The following FHIT variants were observed in gnomAD, a reference collection of about 807,000 sequenced individuals.
FHIT encodes bis(5'-adenosyl)-triphosphatase.
In FHIT, 19 loss-of-function variants were observed where a neutral mutation model predicts 17.9. The observed-to-expected ratio is 1.06, with a 90% CI of 0.74 to 1.56. The LOEUF is 1.56. Ranked by LOEUF, FHIT falls within the 40% of genes most tolerant of loss-of-function variation. The pLI, the probability that FHIT is intolerant of heterozygous loss-of-function variation, is 0.00. For synonymous variants in FHIT, 81 were observed against 69.7 expected, an observed-to-expected ratio of 1.16 and a Z score of -0.81; for missense variants, 248 against 189.2, an observed-to-expected ratio of 1.31 and a Z score of -1.82.
intron 5 of FHIT, among the ~76,000 whole-genome samples, chr3:60,328,588 A>G (rs1709815548): frequency 6.6e-6 from 1 of 152,174 alleles, no homozygotes; most frequent in African/African-American, 2.4e-5. Flanking sequence ...CCCTCTCACT[A>G]CACCTGGGGA....
At chr3:60,553,460 T>A (rs1049566118) in intron 4 of FHIT, 43 of 336,082 alleles carry the variant, frequency 1.3e-4, no homozygotes, top group East Asian at 1.7e-4. Context: ...ATATATATAT[T>A]TTATATTTAT....
chr3:60,855,194 G>A (rs1320546261), intron 3 of FHIT, among the ~76,000 whole-genome samples: 1 of 152,094 alleles, frequency 6.6e-6, no homozygotes, highest in African/African-American at 2.4e-5. Flanking sequence ...CATGTGCTTA[G>A]CCTTAGATAA....
At chr3:60,917,546 T>C (rs1707072501) in intron 3 of FHIT, among the ~76,000 whole-genome samples, 2 of 152,114 alleles carry the variant, frequency 1.3e-5, no homozygotes, top group Admixed American at 1.3e-4. Context: ...ACCACTTCTT[T>C]CTCCTCCCTA....
chr3:59,953,206 G>C (rs1217168993), intron 7 of FHIT, among the ~76,000 whole-genome samples: 1 of 151,286 alleles, frequency 6.6e-6, no homozygotes, highest in East Asian at 1.9e-4. Context: ...CTCTGCATCT[G>C]TCCCTGTCTC....
At chr3:60,839,956 T>A (rs1001312889) in intron 3 of FHIT, among the ~76,000 whole-genome samples, 88 of 152,204 alleles carry the variant, frequency 5.8e-4, no homozygotes, top group Non-Finnish European at 6.9e-4. Context: ...ATTTTTTTTT[T>A]AAAACTGCAT....
In FHIT at chr3:60,614,831, G is replaced by C. The variant is rs7433194; in HGVS notation, c.-17-77852C>G. Among the ~76,000 whole-genome samples the C allele has an allele frequency of 5.6e-5, 3 of 53,480 alleles. 1 individual carries two copies. Among genetic ancestry groups the C allele is most frequent in the East Asian group, 3.7e-4 (1 of 2,714 alleles). The allele number at this position is 53,480 out of a possible 152,430, so 35.1% of individuals were successfully genotyped here. ...GTTGTTTTTTTTTTGTTTTTTTTTT[G>C]TTTTTTTTTTGTTTTTTGAGATGGA... On this transcript the variant is annotated intron_variant, in intron 4 of 9. Transcript: ENST00000492590.
In FHIT at chr3:60,040,267, T is replaced by G. The variant is rs148202390; in HGVS notation, c.104-26115A>C. ...CTCAAGCAATTCTCCTGCTTCAGCCTCCCGAGTAGCTGGGATTACAGGCAT... is the reference window on the plus strand; with the variant it reads ...CTCAAGCAATTCTCCTGCTTCAGCCGCCCGAGTAGCTGGGATTACAGGCAT... On this transcript the variant is annotated intron_variant, in intron 5 of 9. Coordinates refer to ENST00000492590, the MANE Select transcript of FHIT (RefSeq NM_002012.4). Among the ~76,000 whole-genome samples, 1,236 of 152,134 alleles carry G rather than the reference T, an allele frequency of 8.1e-3. 15 individuals carry two copies. The highest frequency in any genetic ancestry group is 0.028 in the African/African-American group (1,177 of 41,506).
rs559061358 is a variant in FHIT at position 60,913,785 on chromosome 3, T to G, written c.-110-91774A>C. On this transcript the variant is annotated intron_variant, in intron 3 of 9. Transcript: ENST00000492590. ...CCCTTGGCTGACCTGGCTGGGACAGTTGGGGGCTGGCTGGGCCTCTCTCCA... is the reference window on the plus strand; with the variant it reads ...CCCTTGGCTGACCTGGCTGGGACAGGTGGGGGCTGGCTGGGCCTCTCTCCA... Among the ~76,000 whole-genome samples, 12 of 152,216 alleles carry G rather than the reference T, an allele frequency of 7.9e-5. 1 individual carries two copies. In the South Asian group the frequency reaches 2.3e-3, roughly 29 times the overall value.
chr3:59,872,043 C>G (rs1702949849), intron 8 of FHIT, among the ~76,000 whole-genome samples: 1 of 152,160 alleles, frequency 6.6e-6, no homozygotes, highest in Non-Finnish European at 1.5e-5. Flanking sequence ...CCAGATTATA[C>G]TAATCAATTA....
At chr3:60,896,374 T>C (rs1424465217) in intron 3 of FHIT, among the ~76,000 whole-genome samples, 5 of 152,092 alleles carry the variant, frequency 3.3e-5, no homozygotes, top group African/African-American at 1.2e-4. Context: ...GAATTATAAA[T>C]ATATATTGAG....
At chr3:60,482,218 A>G (rs1236230652) in intron 5 of FHIT, among the ~76,000 whole-genome samples, 1 of 152,186 alleles carries the variant, frequency 6.6e-6, no homozygotes, top group Non-Finnish European at 1.5e-5. Flanking sequence ...CTCCCACACA[A>G]TAATAGTGGG....
chr3:60,830,645 A>C (rs1702297415), intron 3 of FHIT, among the ~76,000 whole-genome samples: 2 of 152,206 alleles, frequency 1.3e-5, no homozygotes, highest in Admixed American at 6.5e-5. Context: ...ATTTTGGAAA[A>C]ACTATTAGTC....
At chr3:60,874,789 T>TCTAAGCTCAAC (rs1553755961) in intron 3 of FHIT, among the ~76,000 whole-genome samples, 58 of 152,242 alleles carry the variant, frequency 3.8e-4, no homozygotes, top group African/African-American at 1.3e-3. Flanking sequence ...GCTAGGTCAA[T>TCTAAGCTCAAC]GCTCTAAGCT....
rs1710316048 is a variant in FHIT, at chr3:60,337,823, G to A, written c.103+199037C>T. 2.6e-5 allele frequency among the ~76,000 whole-genome samples: 4 copies of A among 152,220 alleles called. No individual in the cohort carries two copies. In the South Asian group the frequency reaches 8.3e-4, roughly 32 times the overall value. ...GGCAGAGAAAGACTCTTGGGGGACT[G>A]GAATGTCTGAAAATCCCATAAAGAA... On this transcript the variant is annotated intron_variant, in intron 5 of 9. Transcript: ENST00000492590.
chr3:60,285,358 TTA>T (rs560987589), intron 5 of FHIT, among the ~76,000 whole-genome samples: 190 of 152,294 alleles, frequency 1.2e-3, no homozygotes, highest in Middle Eastern at 3.4e-3. Flanking sequence ...GCCCCATGAA[TTA>T]TCTCTCCAGT....
At chr3:60,306,738 A>T (rs1329982292) in intron 5 of FHIT, among the ~76,000 whole-genome samples, 1 of 152,170 alleles carries the variant, frequency 6.6e-6, no homozygotes, top group African/African-American at 2.4e-5. Context: ...AAAATAAAAA[A>T]CAAACACATT....
chr3:60,071,514 T>C (rs1475549384), intron 5 of FHIT, among the ~76,000 whole-genome samples: 1 of 152,190 alleles, frequency 6.6e-6, no homozygotes, highest in Non-Finnish European at 1.5e-5. Context: ...TGTCTTCACA[T>C]GAATGACTCT....
chr3:60,009,165 ATGTGTGTGTGTGTGTGTGTG>A lies in FHIT; in HGVS notation c.279+2186_279+2205del, dbSNP rs753809976. Reference sequence around the variant, plus strand: ...AACCTTCATTGTTCTCTGGGATTTTATGTGTGTGTGTGTGTGTGTGTGTGTGTGTGTGTGTGTGTGTGTGT... The same window carrying A: ...AACCTTCATTGTTCTCTGGGATTTTATGTGTGTGTGTGTGTGTGTGTGTGT... On this transcript the variant is annotated intron_variant, in intron 7 of 9. Coordinates refer to ENST00000492590, the MANE Select transcript of FHIT (RefSeq NM_002012.4). Among the ~76,000 whole-genome samples, 259 of 54,130 alleles carry A rather than the reference ATGTGTGTGTGTGTGTGTGTG, an allele frequency of 4.8e-3. 1 individual carries two copies. Among genetic ancestry groups the A allele is most frequent in the African/African-American group, 0.012 (231 of 19,206 alleles). The allele number at this position is 54,130 out of a possible 152,430, so 35.5% of individuals were successfully genotyped here.
intron 5 of FHIT, among the ~76,000 whole-genome samples, chr3:60,512,994 G>C (rs553762162): frequency 4.6e-5 from 7 of 152,204 alleles, no homozygotes; most frequent in Non-Finnish European, 1.0e-4. Context: ...GAGAAAATCT[G>C]AATATGGAAA....
Sources: allele counts gnomAD v4.1 joint callset (sites outside exome capture counted in the v4.1 genomes callset), GRCh38; gene constraint gnomAD v4.1.1; transcripts MANE v1.5; gene names NCBI Gene and HGNC (gene_info 2026-07-23, HGNC 2026-07-21).